DLG2: variants seen among roughly 807,000 people sequenced by gnomAD.
DLG2 encodes the protein disks large homolog 2.
A neutral mutation model predicts 132.5 loss-of-function variants in DLG2; 45 were observed. The observed-to-expected ratio is 0.34, with a 90% CI of 0.27 to 0.44. DLG2 has a LOEUF of 0.44. DLG2 is among the 20% of genes least tolerant of loss of function. DLG2 has a pLI of 1.00. For missense variants in DLG2, 1,045 were observed against 1,196.9 expected, an observed-to-expected ratio of 0.87 and a Z score of 1.87; for synonymous variants, 424 against 419.6, an observed-to-expected ratio of 1.01 and a Z score of -0.13.
chr11:85,111,309 G>C (rs777690236), intron 6 of DLG2, among the ~76,000 whole-genome samples: 5 of 152,118 alleles, frequency 3.3e-5, no homozygotes, highest in Non-Finnish European at 7.4e-5. Context: ...TGACAAAAGA[G>C]AGAGCATCTT....
chr11:84,024,865 T>C (rs751238520), intron 11 of DLG2, among the ~76,000 whole-genome samples: 12 of 151,660 alleles, frequency 7.9e-5, no homozygotes, highest in Non-Finnish European at 1.2e-4. Context: ...TAGTTAATAA[T>C]AGACTATTGT....
chr11:85,238,442 C>T (rs2075711685), intron 4 of DLG2, among the ~76,000 whole-genome samples: 1 of 151,794 alleles, frequency 6.6e-6, no homozygotes, highest in Admixed American at 6.6e-5. Flanking sequence ...TAGGGTTTCA[C>T]CATGTTAGCC....
chr11:85,354,821 T>C (rs911299196), intron 3 of DLG2, among the ~76,000 whole-genome samples: 1 of 151,956 alleles, frequency 6.6e-6, no homozygotes, highest in Non-Finnish European at 1.5e-5. Context: ...AATGCTTTTT[T>C]GGCTGGTCTT....
At chr11:85,032,492 A>G (rs2061090513) in intron 6 of DLG2, among the ~76,000 whole-genome samples, 1 of 152,202 alleles carries the variant, frequency 6.6e-6, no homozygotes, top group African/African-American at 2.4e-5. Context: ...ATGAGTCTCT[A>G]TTGGATGGTC....
chr11:84,508,268 A>C (rs1441006572), intron 7 of DLG2, among the ~76,000 whole-genome samples: 1 of 152,206 alleles, frequency 6.6e-6, no homozygotes, highest in Admixed American at 6.5e-5. Flanking sequence ...TCTTGAACAT[A>C]ATAAGCATAG....
At chr11:84,520,061 A>G (rs1403286841) in intron 7 of DLG2, among the ~76,000 whole-genome samples, 6 of 152,100 alleles carry the variant, frequency 3.9e-5, no homozygotes, top group African/African-American at 1.4e-4. Context: ...CTCATTGAAG[A>G]TTTTCTACCT....
In DLG2 at chr11:83,981,605, C is replaced by G. The variant is rs188099521; in HGVS notation, c.920-963G>C. On this transcript the variant is annotated intron_variant, in intron 11 of 27. Transcript: ENST00000376104. ...AACAGGCACACGCCACCATGTCTGA[C>G]TACTTTTTTAAATTTTTAGTAGACA... 1.2e-3 allele frequency among the ~76,000 whole-genome samples: 178 copies of G among 152,188 alleles called. No individual in the cohort carries two copies. In the Middle Eastern group the frequency reaches 0.014, roughly 12 times the overall value.
At chr11:84,513,225 G>T (rs1451685367) in intron 7 of DLG2, among the ~76,000 whole-genome samples, 1 of 152,022 alleles carries the variant, frequency 6.6e-6, no homozygotes, top group East Asian at 1.9e-4. Flanking sequence ...GTATGGATTA[G>T]AAGAACCAAT....
intron 18 of DLG2, 26 bp downstream of exon 18, chr11:83,786,664 C>A (rs2040020538): frequency 1.3e-6 from 2 of 1,570,916 alleles, no homozygotes; most frequent in Admixed American, 1.7e-5. Flanking sequence ...CATATCAGAA[C>A]ATTATTAGTT....
intron 7 of DLG2, among the ~76,000 whole-genome samples, chr11:84,257,006 A>G (rs1489918072): frequency 1.3e-5 from 2 of 152,186 alleles, no homozygotes; most frequent in African/African-American, 4.8e-5. Flanking sequence ...TGGCTAGGGA[A>G]GTAGAATATT....
intron 6 of DLG2, among the ~76,000 whole-genome samples, chr11:84,725,472 G>A (rs1366514121): frequency 2.6e-5 from 4 of 152,160 alleles, no homozygotes; most frequent in Middle Eastern, 3.4e-3. Context: ...TCATGTAAGT[G>A]GAACATTGCA....
intron 6 of DLG2, among the ~76,000 whole-genome samples, chr11:84,849,874 G>T (rs1241504265): frequency 1.3e-5 from 2 of 151,990 alleles, no homozygotes; most frequent in Non-Finnish European, 2.9e-5. Context: ...ACAGGTTTTG[G>T]CATGTAGTTG....
intron 17 of DLG2, among the ~76,000 whole-genome samples, chr11:83,793,710 A>G (rs997062050): frequency 6.6e-6 from 1 of 152,190 alleles, no homozygotes; most frequent in Non-Finnish European, 1.5e-5. Context: ...CTATAAAATG[A>G]GTATACCTAC....
chr11:83,910,338 C>T (rs1414383813), intron 15 of DLG2, among the ~76,000 whole-genome samples: 2 of 152,066 alleles, frequency 1.3e-5, no homozygotes, highest in African/African-American at 2.4e-5. Context: ...ACTTTTGGAA[C>T]TAAGAAAATA....
intron 7 of DLG2, among the ~76,000 whole-genome samples, chr11:84,408,251 TA>T (rs903255583): frequency 6.6e-6 from 1 of 152,038 alleles, no homozygotes; most frequent in Non-Finnish European, 1.5e-5. Flanking sequence ...AATGTCTTTA[TA>T]AAAAATAATG....
intron 7 of DLG2, among the ~76,000 whole-genome samples, chr11:84,382,442 T>C (rs2098752047): frequency 1.3e-5 from 2 of 152,260 alleles, no homozygotes; most frequent in South Asian, 4.1e-4. Flanking sequence ...GATTATACTA[T>C]CATTTTAAAA....
At chr11:84,595,044 A>C (rs1353489368) in intron 6 of DLG2, among the ~76,000 whole-genome samples, 1 of 152,210 alleles carries the variant, frequency 6.6e-6, no homozygotes, top group Non-Finnish European at 1.5e-5. Flanking sequence ...AAAAAATTAC[A>C]GCAGCACTTT....
At chr11:84,656,661 G>C (rs1328523137) in intron 6 of DLG2, among the ~76,000 whole-genome samples, 1 of 152,066 alleles carries the variant, frequency 6.6e-6, no homozygotes, top group Non-Finnish European at 1.5e-5. Context: ...GACCATAATG[G>C]AAACAGAGAG....
rs1457343714 is a variant in DLG2, at chr11:83,682,916, C to T, written c.1826-49591G>A. Among the ~76,000 whole-genome samples, 3 of 152,128 alleles carry T rather than the reference C, an allele frequency of 2.0e-5. No individual in the cohort carries two copies. The East Asian group carries it at 5.8e-4, about 29-fold the overall frequency. On this transcript the variant is annotated intron_variant, in intron 18 of 27. Coordinates refer to ENST00000376104, the MANE Select transcript of DLG2 (RefSeq NM_001142699.3). ...CTGGCAAGAAAGATAAAGTGACTTG[C>T]CCAGGTCACACAAAGTGTGATTTGA...
Sources: allele counts gnomAD v4.1 joint callset (sites outside exome capture counted in the v4.1 genomes callset), GRCh38; gene constraint gnomAD v4.1.1; transcripts MANE v1.5; gene names NCBI Gene and HGNC (gene_info 2026-07-23, HGNC 2026-07-21).